Variants in CSMD3 observed in about 807,000 individuals in gnomAD.
CSMD3 encodes the protein CUB and sushi domain-containing protein 3.
A neutral mutation model predicts 435.2 loss-of-function variants in CSMD3; 177 were observed. That is an observed-to-expected ratio of 0.41 (90% CI 0.36 to 0.46). CSMD3 has a LOEUF of 0.46. Ranked by LOEUF, CSMD3 falls within the 20% of genes least tolerant of loss-of-function variation. The probability of loss-of-function intolerance (pLI) is 0.34; values close to 1 mark genes in which losing one functional copy is unlikely to be tolerated. For missense variants in CSMD3, 4,265 were observed against 4,504.6 expected (o/e 0.95, Z 1.52); for synonymous variants, 1,656 against 1,520.5 (o/e 1.09, Z -2.07).
intron 4 of CSMD3, among the ~76,000 whole-genome samples, chr8:113,159,188 G>A (rs889315585): frequency 2.5e-4 from 38 of 151,774 alleles, no homozygotes; most frequent in Non-Finnish European, 2.2e-4. Flanking sequence ...AATTACAGTC[G>A]TGTGATTTCT....
intron 7 of CSMD3, among the ~76,000 whole-genome samples, 175 bp downstream of exon 7, chr8:112,975,662 G>T (rs1285293932): frequency 6.6e-6 from 1 of 151,696 alleles, no homozygotes; most frequent in African/African-American, 2.4e-5. Flanking sequence ...CAATTTCTAT[G>T]CTTTCAAATT....
intron 3 of CSMD3, among the ~76,000 whole-genome samples, chr8:113,209,852 T>C (rs961243462): frequency 6.6e-6 from 1 of 152,134 alleles, no homozygotes. Context: ...TAGCTAATCA[T>C]GGTTACATTC....
At chr8:112,411,039 C>T (rs1429926251) in intron 32 of CSMD3, among the ~76,000 whole-genome samples, 1 of 150,196 alleles carries the variant, frequency 6.7e-6, no homozygotes, top group Non-Finnish European at 1.5e-5. Flanking sequence ...CCTTGCAAAC[C>T]ACTATATTTA....
At chr8:113,120,002 C>A (rs2131631280) in intron 4 of CSMD3, among the ~76,000 whole-genome samples, 1 of 151,910 alleles carries the variant, frequency 6.6e-6, no homozygotes. Context: ...ATACTCATTA[C>A]ACAAATAAAA....
In CSMD3 at chr8:112,796,197, G is replaced by T. The variant is rs57314095; in HGVS notation, c.1972+3965C>A. On this transcript the variant is annotated intron_variant, in intron 13 of 70. Coordinates refer to ENST00000297405, the MANE Select transcript of CSMD3 (RefSeq NM_198123.2). ...CACTTAGGATATAATATTGCATAAT[G>T]GAAAAAAGAATGAAGTCAGTAAACT... 3.0e-3 allele frequency among the ~76,000 whole-genome samples: 455 copies of T among 152,068 alleles called. 1 individual carries two copies. Among genetic ancestry groups the T allele is most frequent in the African/African-American group, 0.01 (422 of 41,518 alleles).
intron 13 of CSMD3, among the ~76,000 whole-genome samples, chr8:112,757,994 T>G (rs2077740966): frequency 6.6e-6 from 1 of 152,108 alleles, no homozygotes; most frequent in South Asian, 2.1e-4. Context: ...AGTTCCAGGC[T>G]GCAGTGAGCC....
At chr8:113,028,364 C>T (rs549841377) in intron 5 of CSMD3, among the ~76,000 whole-genome samples, 12 of 151,550 alleles carry the variant, frequency 7.9e-5, no homozygotes, top group African/African-American at 1.7e-4. Context: ...CCCTGAGACA[C>T]AATATTGAAA....
intron 27 of CSMD3, among the ~76,000 whole-genome samples, chr8:112,532,179 A>C (rs1053250350): frequency 6.6e-6 from 1 of 152,012 alleles, no homozygotes; most frequent in African/African-American, 2.4e-5. Context: ...GAAAATACAC[A>C]GTCAAAGGAT....
intron 22 of CSMD3, among the ~76,000 whole-genome samples, chr8:112,596,207 GTTGCAA>G (rs1831700846): frequency 6.6e-6 from 1 of 151,542 alleles, no homozygotes; most frequent in Non-Finnish European, 1.5e-5. Flanking sequence ...AAAGGCAGGG[GTTGCAA>G]TCCTAGTCTC....
intron 31 of CSMD3, among the ~76,000 whole-genome samples, chr8:112,488,883 T>G (rs755436692): frequency 6.6e-6 from 1 of 152,102 alleles, no homozygotes. Flanking sequence ...GGGGCCATCA[T>G]AGCAATCAGA....
intron 31 of CSMD3, among the ~76,000 whole-genome samples, chr8:112,474,708 G>T (rs1160014000): frequency 6.6e-6 from 1 of 152,040 alleles, no homozygotes; most frequent in Non-Finnish European, 1.5e-5. Context: ...ATGACAGTTT[G>T]AAAAAGTAAA....
In CSMD3 at chr8:112,224,653, G is replaced by T; in HGVS notation, c.*118C>A. On this transcript the variant is annotated 3_prime_UTR_variant, in exon 71 of 71. Transcript: ENST00000297405. ...AAACACTCTTCTGTATCATTCCTCA[G>T]GAAAAGGTGACCCAGCAAGTCCTGA... is the stretch of plus-strand genomic sequence containing the variant. 1.0e-6 allele frequency: 1 copy of T among 963,904 alleles called. No individual in the cohort carries two copies. The highest frequency in any genetic ancestry group is 1.7e-6 in the Non-Finnish European group (1 of 589,348). The allele number at this position is 963,904 out of a possible 1,614,324, so 59.7% of individuals were successfully genotyped here. A position where few individuals can be genotyped will look rare whatever the true frequency, so the allele number is the denominator to read the frequency against.
intron 10 of CSMD3, among the ~76,000 whole-genome samples, chr8:112,890,493 T>C (rs1261590479): frequency 1.3e-5 from 2 of 151,760 alleles, no homozygotes; most frequent in African/African-American, 2.4e-5. Flanking sequence ...AGGAAAAATA[T>C]GTCATAAGCA....
At chr8:112,627,966 A>G (rs1227628043) in intron 22 of CSMD3, among the ~76,000 whole-genome samples, 1 of 152,190 alleles carries the variant, frequency 6.6e-6, no homozygotes, top group Non-Finnish European at 1.5e-5. Context: ...TGCCAGCTAC[A>G]GTATAATAAA....
rs570189467 is a variant in CSMD3 at position 113,416,844 on chromosome 8, C to T, written c.178+19833G>A. The stretch of plus-strand genomic sequence containing the variant: ...AAAAATATATTTTGGTTAATTTCCT[C>T]TTTAGCAATCTTTGATTCAAGAGTA... On this transcript the variant is annotated intron_variant, in intron 1 of 70. Coordinates refer to ENST00000297405, the MANE Select transcript of CSMD3 (RefSeq NM_198123.2). Among the ~76,000 whole-genome samples the T allele has an allele frequency of 3.7e-3, 565 of 152,146 alleles. 7 individuals are homozygous for T. Among genetic ancestry groups the T allele is most frequent in the African/African-American group, 0.013 (539 of 41,548 alleles).
chr8:113,412,936 A>G (rs566555451), intron 1 of CSMD3, among the ~76,000 whole-genome samples: 1 of 152,258 alleles, frequency 6.6e-6, no homozygotes, highest in East Asian at 1.9e-4. Flanking sequence ...CGGACACTAG[A>G]GTAATCACAA....
chr8:112,586,412 A>C (rs1383111963), intron 23 of CSMD3, among the ~76,000 whole-genome samples: 1 of 151,586 alleles, frequency 6.6e-6, no homozygotes, highest in Non-Finnish European at 1.5e-5. Context: ...TATATTCAAA[A>C]TATAAATCAG....
At chr8:112,973,066 G>A (rs924890660) in intron 7 of CSMD3, among the ~76,000 whole-genome samples, 2 of 151,936 alleles carry the variant, frequency 1.3e-5, no homozygotes, top group Non-Finnish European at 2.9e-5. Flanking sequence ...GAGTGATTGT[G>A]AGAGTTACAT....
intron 32 of CSMD3, among the ~76,000 whole-genome samples, chr8:112,411,089 G>T (rs974625223): frequency 1.1e-4 from 16 of 146,146 alleles, no homozygotes; most frequent in African/African-American, 4.0e-4. Context: ...GTATCCAAGA[G>T]CTTTTTCTGA....
Sources: allele counts gnomAD v4.1 joint callset (sites outside exome capture counted in the v4.1 genomes callset), GRCh38; gene constraint gnomAD v4.1.1; transcripts MANE v1.5; gene names NCBI Gene and HGNC (gene_info 2026-07-23, HGNC 2026-07-21).